The following ERBB4 variants were observed in gnomAD, a reference collection of about 807,000 sequenced individuals.
ERBB4 encodes erb-b2 receptor tyrosine kinase 4, also known as receptor tyrosine-protein kinase erbB-4.
In ERBB4, 42 loss-of-function variants were observed where a neutral mutation model predicts 158.0. That is an observed-to-expected ratio of 0.27 (90% confidence interval 0.21 to 0.34). The LOEUF (loss-of-function observed/expected upper bound fraction) is 0.34, where lower values mean the gene tolerates loss of function less well. Ranked by LOEUF, ERBB4 falls within the 10% of genes least tolerant of loss-of-function variation. The pLI is 1.00. For synonymous variants in ERBB4, 583 were observed against 558.7 expected, an observed-to-expected ratio of 1.04 and a Z score of -0.61; for missense variants, 1,333 against 1,624.1, an observed-to-expected ratio of 0.82 and a Z score of 3.08.
chr2:212,345,099 A>C (rs976074446), intron 1 of ERBB4, among the ~76,000 whole-genome samples: 1 of 151,654 alleles, frequency 6.6e-6, no homozygotes, highest in Non-Finnish European at 1.5e-5. Flanking sequence ...CCCCGTCTCT[A>C]CTAAAAATAC....
chr2:211,837,341 T>C (rs567721129), intron 3 of ERBB4, among the ~76,000 whole-genome samples: 1 of 152,240 alleles, frequency 6.6e-6, no homozygotes, highest in African/African-American at 2.4e-5. Context: ...ATTGAACCAG[T>C]AGTCAAGTGA....
intron 25 of ERBB4, among the ~76,000 whole-genome samples, chr2:211,392,600 A>ACACACC (rs564067126): frequency 7.5e-5 from 10 of 133,536 alleles, no homozygotes; most frequent in African/African-American, 2.2e-4. Context: ...ACACACACAC[A>ACACACC]CCCCAATAAT....
At chr2:211,893,008 G>T (rs552321764) in intron 3 of ERBB4, among the ~76,000 whole-genome samples, 40 of 148,014 alleles carry the variant, frequency 2.7e-4, no homozygotes, top group African/African-American at 1.0e-3. Flanking sequence ...CAGATTCAAT[G>T]CCATCCCCAT....
At chr2:212,528,013 G>A (rs749122069) in intron 1 of ERBB4, among the ~76,000 whole-genome samples, 5 of 151,560 alleles carry the variant, frequency 3.3e-5, no homozygotes, top group Admixed American at 1.3e-4. Context: ...TCTTGCATAC[G>A]CCCCTGATTC....
At chr2:211,732,355 T>TAA (rs2074450603) in intron 5 of ERBB4, among the ~76,000 whole-genome samples, 4 of 143,508 alleles carry the variant, frequency 2.8e-5, no homozygotes, top group Admixed American at 2.7e-4. Context: ...CTCAGAGGTC[T>TAA]TTTTTGAAAA....
At chr2:211,705,498 G>A in intron 9 of ERBB4, 107 bp from the exon 10 acceptor site, 1 of 788,346 alleles carries the variant, frequency 1.3e-6, no homozygotes, top group East Asian at 2.6e-5. Flanking sequence ...TTAGCAGTAG[G>A]GGTGTTATCA....
chr2:211,411,673 G>A (rs2063265818), intron 25 of ERBB4, among the ~76,000 whole-genome samples: 1 of 152,104 alleles, frequency 6.6e-6, no homozygotes, highest in Non-Finnish European at 1.5e-5. Context: ...TGCAGTGACT[G>A]GTCAACTGGA....
chr2:211,746,694 G>C (rs1243658452), intron 5 of ERBB4, among the ~76,000 whole-genome samples: 2 of 152,028 alleles, frequency 1.3e-5, no homozygotes, highest in Admixed American at 1.3e-4. Flanking sequence ...GCCAGGCGTG[G>C]TGGCACATGA....
intron 1 of ERBB4, among the ~76,000 whole-genome samples, chr2:212,409,628 A>G (rs2091442857): frequency 6.6e-6 from 1 of 152,118 alleles, no homozygotes; most frequent in African/African-American, 2.4e-5. Flanking sequence ...TGGTCTATCT[A>G]TAATGCATGA....
chr2:211,927,283 T>C (rs1463022527), intron 3 of ERBB4, among the ~76,000 whole-genome samples: 1 of 152,182 alleles, frequency 6.6e-6, no homozygotes. Context: ...TTAAAGTAAG[T>C]TCCTGGCCAT....
chr2:211,918,163 G>T (rs114549502), intron 3 of ERBB4, among the ~76,000 whole-genome samples: 7,051 of 152,196 alleles, frequency 0.046, 231 homozygotes, highest in Middle Eastern at 0.099. Context: ...AGCTCTCAGG[G>T]ATCAGGTAAG....
Position 211,881,005 on chromosome 2 carries a change from T to C in ERBB4, c.421+66425A>G, listed in dbSNP as rs189826674. 1.4e-4 allele frequency among the ~76,000 whole-genome samples: 21 copies of C among 152,302 alleles called. No individual in the cohort carries two copies. In the East Asian group the frequency reaches 4.1e-3, roughly 29 times the overall value. On this transcript the variant is annotated intron_variant, in intron 3 of 27. Coordinates refer to ENST00000342788, the MANE Select transcript of ERBB4 (RefSeq NM_005235.3). ...TGGAAAATTAAAGTTAAGCAAACTTTCCACTCAATGGGTGCCAAGACCATG... is the reference window on the plus strand; with the variant it reads ...TGGAAAATTAAAGTTAAGCAAACTTCCCACTCAATGGGTGCCAAGACCATG...
rs115418870 is a variant in ERBB4 at position 211,801,941 on chromosome 2, A to T, written c.422-13782T>A. The stretch of plus-strand genomic sequence containing the variant: ...TAGCTGAGATGCAAGGGAGACAAAA[A>T]GGAACACTAATCAGATTAGCATAAA... On this transcript the variant is annotated intron_variant, in intron 3 of 27. Coordinates refer to ENST00000342788, the MANE Select transcript of ERBB4 (RefSeq NM_005235.3). Among the ~76,000 whole-genome samples, 933 of 152,292 alleles carry T rather than the reference A, an allele frequency of 6.1e-3. 9 individuals are homozygous for T. The highest frequency in any genetic ancestry group is 0.021 in the African/African-American group (875 of 41,564).
intron 3 of ERBB4, among the ~76,000 whole-genome samples, chr2:211,888,251 G>A (rs1010636691): frequency 5.9e-5 from 9 of 152,154 alleles, no homozygotes; most frequent in African/African-American, 2.2e-4. Context: ...ATAGAACACA[G>A]GCTTCTGAGA....
chr2:211,512,650 T>A (rs2065911318), intron 20 of ERBB4, among the ~76,000 whole-genome samples: 1 of 152,154 alleles, frequency 6.6e-6, no homozygotes, highest in African/African-American at 2.4e-5. Context: ...GCAAAACACG[T>A]TTGCTTTTCA....
intron 12 of ERBB4, among the ~76,000 whole-genome samples, chr2:211,686,162 G>A (rs1235965820): frequency 6.6e-6 from 1 of 152,014 alleles, no homozygotes; most frequent in Non-Finnish European, 1.5e-5. Flanking sequence ...TGATAAGAGA[G>A]GTCTTTCTTT....
intron 3 of ERBB4, among the ~76,000 whole-genome samples, chr2:211,879,423 G>A (rs561008098): frequency 6.6e-6 from 1 of 152,242 alleles, no homozygotes; most frequent in South Asian, 2.1e-4. Flanking sequence ...TAACCTCATT[G>A]ATAATCAAAT....
At chr2:211,995,393 C>T (rs781452313) in intron 2 of ERBB4, among the ~76,000 whole-genome samples, 19 of 152,192 alleles carry the variant, frequency 1.2e-4, no homozygotes, top group Admixed American at 2.6e-4. Context: ...GCTTTTCATT[C>T]ATTGGATTTA....
At chr2:211,952,126 C>A (rs1045715411) in intron 2 of ERBB4, among the ~76,000 whole-genome samples, 1 of 151,992 alleles carries the variant, frequency 6.6e-6, no homozygotes, top group Non-Finnish European at 1.5e-5. Flanking sequence ...ATATAAAATT[C>A]TTATATCTAA....
Sources: allele counts gnomAD v4.1 joint callset (sites outside exome capture counted in the v4.1 genomes callset), GRCh38; gene constraint gnomAD v4.1.1; transcripts MANE v1.5; gene names NCBI Gene and HGNC (gene_info 2026-07-23, HGNC 2026-07-21).